The following SEMA3A variants were observed in gnomAD, a reference collection of about 807,000 sequenced individuals.
SEMA3A encodes the protein semaphorin 3A.
A neutral mutation model predicts 97.9 loss-of-function variants in SEMA3A; 29 were observed. The ratio of observed to expected loss-of-function variants is 0.30; its 90% confidence interval spans 0.22 to 0.40. The LOEUF (loss-of-function observed/expected upper bound fraction) is 0.40. Among genes scored for constraint, SEMA3A ranks in the 10% least tolerant of loss-of-function variants. The probability of loss-of-function intolerance (pLI) is 1.00; values close to 1 mark genes in which losing one functional copy is unlikely to be tolerated. For synonymous variants in SEMA3A, 321 were observed against 323.7 expected (o/e 0.99, Z 0.09); for missense variants, 763 against 951.3 (o/e 0.80, Z 2.60).
intron 1 of SEMA3A, among the ~76,000 whole-genome samples, chr7:84,375,110 C>A (rs1249922163): frequency 6.6e-6 from 1 of 152,158 alleles, no homozygotes; most frequent in East Asian, 1.9e-4. Context: ...ATCTCTGCCT[C>A]CTTGGTTCAA....
At chr7:84,460,674 T>C (rs1805812402) in intron 1 of SEMA3A, among the ~76,000 whole-genome samples, 1 of 152,244 alleles carries the variant, frequency 6.6e-6, no homozygotes, top group Admixed American at 6.5e-5. Context: ...TGTACTTTCC[T>C]ATTTGATCAG....
intron 6 of SEMA3A, among the ~76,000 whole-genome samples, chr7:84,025,364 A>G (rs1791509720): frequency 6.6e-6 from 1 of 152,214 alleles, no homozygotes; most frequent in Non-Finnish European, 1.5e-5. Flanking sequence ...TGGCAGCCAC[A>G]GTGACTGGTT....
chr7:84,492,017 C>T, intron 1 of SEMA3A, among the ~76,000 whole-genome samples: 1 of 152,076 alleles, frequency 6.6e-6, no homozygotes, highest in Non-Finnish European at 1.5e-5. Flanking sequence ...AAATTCCTCA[C>T]ATTAATGTAT....
intron 1 of SEMA3A, among the ~76,000 whole-genome samples, chr7:84,416,529 G>A (rs1804440680): frequency 6.6e-6 from 1 of 152,076 alleles, no homozygotes; most frequent in African/African-American, 2.4e-5. Flanking sequence ...GGTATTGGCT[G>A]GGCATTTACG....
chr7:84,047,516 C>T (rs1033698588), intron 5 of SEMA3A, among the ~76,000 whole-genome samples: 5 of 151,950 alleles, frequency 3.3e-5, no homozygotes, highest in Non-Finnish European at 7.4e-5. Context: ...AACCATACCA[C>T]CTTTCAACAA....
intron 2 of SEMA3A, among the ~76,000 whole-genome samples, chr7:84,323,180 A>G (rs1409044713): frequency 6.6e-6 from 1 of 152,216 alleles, no homozygotes; most frequent in African/African-American, 2.4e-5. Flanking sequence ...ACGTTCTCTG[A>G]AGATTAGCTA....
intron 1 of SEMA3A, among the ~76,000 whole-genome samples, chr7:84,408,056 A>C (rs1315789291): frequency 3.3e-5 from 5 of 152,226 alleles, no homozygotes; most frequent in Admixed American, 3.3e-4. Context: ...ATCTAATTAA[A>C]CTAAAGAGCT....
chr7:84,016,869 G>A (rs1443546464), intron 6 of SEMA3A, among the ~76,000 whole-genome samples: 6 of 152,142 alleles, frequency 3.9e-5, no homozygotes, highest in Admixed American at 2.0e-4. Context: ...TAATCCAACT[G>A]CAGAATAAAA....
At position 83,975,146 on chromosome 7, in the gene SEMA3A, A is replaced by G. The variant is rs73394463; in HGVS notation, c.1717+1986T>C. ...ATTCAATGGTTAACAATATTTATGTATCCACAGTCATACTTTTCATAAAAA... is the reference window on the plus strand; with the variant it reads ...ATTCAATGGTTAACAATATTTATGTGTCCACAGTCATACTTTTCATAAAAA... On this transcript the variant is annotated intron_variant, in intron 15 of 16. Transcript: ENST00000265362. 2.4e-3 allele frequency among the ~76,000 whole-genome samples: 362 copies of G among 152,326 alleles called. 3 individuals carry two copies. The highest frequency in any genetic ancestry group is 8.4e-3 in the African/African-American group (351 of 41,584).
intron 1 of SEMA3A, among the ~76,000 whole-genome samples, chr7:84,446,673 A>G (rs953747042): frequency 6.6e-6 from 1 of 152,216 alleles, no homozygotes; most frequent in Non-Finnish European, 1.5e-5. Context: ...CATAGAGGCC[A>G]TATATGAAAG....
intron 1 of SEMA3A, among the ~76,000 whole-genome samples, chr7:84,152,502 T>C (rs2116128163): frequency 7.6e-6 from 1 of 130,830 alleles, no homozygotes; most frequent in Admixed American, 8.2e-5. Flanking sequence ...TGAGATCACA[T>C]GGACACAGGA....
At chr7:84,010,915 G>A (rs1198899873) in intron 9 of SEMA3A, 107 bp downstream of exon 9, 2 of 742,704 alleles carry the variant, frequency 2.7e-6, no homozygotes, top group African/African-American at 1.8e-5. Flanking sequence ...CAGCTCAAAG[G>A]TTAAAGCAAC....
Position 84,134,993 on chromosome 7 carries a change from C to G in SEMA3A, c.113-42G>C, listed in dbSNP as rs17241389. 0.55 allele frequency: 861,886 copies of G among 1,558,342 alleles called. 241,743 individuals carry two copies. Among genetic ancestry groups the G allele is most frequent in the East Asian group, 0.7 (31,305 of 44,500 alleles). ...CAAAACATTGGGTATTAATGTGAAG[C>G]ACTATATAAGCATAGACTGTTGGTA... On this transcript the variant is annotated intron_variant, in intron 1 of 16. Coordinates refer to ENST00000265362, the MANE Select transcript of SEMA3A (RefSeq NM_006080.3).
At chr7:84,143,922 C>CAA (rs1242428865) in intron 1 of SEMA3A, among the ~76,000 whole-genome samples, 3 of 43,044 alleles carry the variant, frequency 7.0e-5, no homozygotes, top group African/African-American at 2.0e-4. Flanking sequence ...CTGTCCTAAT[C>CAA]TCTCTCTCTC....
At chr7:84,175,512 T>A (rs1225936877) in intron 1 of SEMA3A, among the ~76,000 whole-genome samples, 1 of 152,210 alleles carries the variant, frequency 6.6e-6, no homozygotes, top group Non-Finnish European at 1.5e-5. Flanking sequence ...GCTTCCCTTG[T>A]AGGGTTCACC....
intron 1 of SEMA3A, among the ~76,000 whole-genome samples, chr7:84,475,676 C>A (rs1312624208): frequency 6.6e-6 from 1 of 152,096 alleles, no homozygotes; most frequent in Admixed American, 6.5e-5. Context: ...GCATTAGTAA[C>A]TAGTGCTGAG....
At chr7:84,018,400 T>C (rs1185503421) in intron 6 of SEMA3A, among the ~76,000 whole-genome samples, 1 of 152,222 alleles carries the variant, frequency 6.6e-6, no homozygotes, top group Non-Finnish European at 1.5e-5. Flanking sequence ...ACCTACTGTA[T>C]ACTCTGGATT....
chr7:84,114,283 T>C (rs1795358368), intron 3 of SEMA3A, among the ~76,000 whole-genome samples: 1 of 152,202 alleles, frequency 6.6e-6, no homozygotes. Flanking sequence ...AATTTTACTC[T>C]AAGTAAGCGA....
chr7:84,430,545 T>C (rs1001405173), intron 1 of SEMA3A, among the ~76,000 whole-genome samples: 3 of 152,024 alleles, frequency 2.0e-5, no homozygotes, highest in African/African-American at 7.2e-5. Context: ...AGTTTAGACA[T>C]GTACTTTTCA....
Sources: allele counts gnomAD v4.1 joint callset (sites outside exome capture counted in the v4.1 genomes callset), GRCh38; gene constraint gnomAD v4.1.1; transcripts MANE v1.5; gene names NCBI Gene and HGNC (gene_info 2026-07-23, HGNC 2026-07-21).